Variants in LRBA observed in about 807,000 individuals in gnomAD.
LRBA encodes LPS responsive beige-like anchor protein, also known as lipopolysaccharide-responsive and beige-like anchor protein.
A neutral mutation model predicts 330.0 loss-of-function variants in LRBA; 176 were observed. The observed-to-expected ratio is 0.53, with a 90% CI of 0.47 to 0.60. The LOEUF (loss-of-function observed/expected upper bound fraction) is 0.60. Among genes scored for constraint, LRBA ranks in the 20% least tolerant of loss-of-function variants. LRBA has a pLI of 0.00. For synonymous variants in LRBA, 1,230 were observed against 1,193.0 expected (o/e 1.03, Z -0.64); for missense variants, 3,259 against 3,444.8 (o/e 0.95, Z 1.35).
chr4:150,521,889 T>A (rs1324947057), intron 40 of LRBA, among the ~76,000 whole-genome samples: 1 of 152,220 alleles, frequency 6.6e-6, no homozygotes, highest in Non-Finnish European at 1.5e-5. Flanking sequence ...ACATAATTAC[T>A]GACAATACCT....
At chr4:150,921,849 C>A (rs1051837936) in intron 4 of LRBA, among the ~76,000 whole-genome samples, 1 of 152,196 alleles carries the variant, frequency 6.6e-6, no homozygotes, top group Non-Finnish European at 1.5e-5. Flanking sequence ...CCTCACCCTC[C>A]CAAGTAGCTG....
chr4:150,429,180 TG>T (rs1464815387), intron 46 of LRBA, among the ~76,000 whole-genome samples: 2 of 151,856 alleles, frequency 1.3e-5, no homozygotes, highest in Admixed American at 1.3e-4. Flanking sequence ...CATGAGGTGA[TG>T]GGGGCAATTT....
chr4:150,337,301 A>G (rs1423662925), intron 48 of LRBA, among the ~76,000 whole-genome samples: 1 of 152,164 alleles, frequency 6.6e-6, no homozygotes, highest in Non-Finnish European at 1.5e-5. Context: ...AGAATTCTGT[A>G]GGTAGTTAAT....
At chr4:150,313,814 T>C (rs1489878775) in intron 51 of LRBA, among the ~76,000 whole-genome samples, 1 of 146,478 alleles carries the variant, frequency 6.8e-6, no homozygotes, top group Non-Finnish European at 1.5e-5. Flanking sequence ...ACAAAATTAA[T>C]TTGTTTCATA....
intron 28 of LRBA, among the ~76,000 whole-genome samples, chr4:150,834,522 T>C (rs1322678930): frequency 6.6e-6 from 1 of 152,202 alleles, no homozygotes; most frequent in Non-Finnish European, 1.5e-5. Flanking sequence ...AAAGACTCTT[T>C]TCTTCTGAAC....
At chr4:150,656,241 A>G (rs1468509619) in intron 37 of LRBA, among the ~76,000 whole-genome samples, 1 of 152,206 alleles carries the variant, frequency 6.6e-6, no homozygotes, top group African/African-American at 2.4e-5. Flanking sequence ...CCCAAGTGAA[A>G]GGTCTAATTT....
chr4:150,945,373 G>C (rs930874498), intron 2 of LRBA, among the ~76,000 whole-genome samples: 2 of 152,166 alleles, frequency 1.3e-5, no homozygotes, highest in African/African-American at 4.8e-5. Context: ...ATATTGTACA[G>C]CCTTTAAAAA....
At chr4:150,419,633 C>CTTTTT (rs780382905) in intron 46 of LRBA, among the ~76,000 whole-genome samples, 5 of 96,986 alleles carry the variant, frequency 5.2e-5, no homozygotes, top group Non-Finnish European at 7.9e-5. Flanking sequence ...CTGATAATAT[C>CTTTTT]TTTTTTTTTT....
rs202120857 is a variant in LRBA at position 150,916,626 on chromosome 4, T to C, written c.758A>G (p.Tyr253Cys). Residue 253 changes from tyrosine (Y) to cysteine (C), a missense_variant, in exon 6 of 57, where the codon TAT (tyrosine) becomes TGT (cysteine). Coordinates refer to ENST00000651943, the MANE Select transcript of LRBA (RefSeq NM_001364905.1). ...NNINVDKDKP[Y>C]LYCFRTSKGL... ...TTACAGAAATACATACCAATACAAA[T>C]ATGGTTTATCCTTATCTACATTGAT... is the stretch of plus-strand genomic sequence containing the variant. The C allele has an allele frequency of 6.9e-6, 11 of 1,596,206 alleles. No homozygotes were observed. The South Asian group carries it at 9.1e-5, about 13-fold the overall frequency.
chr4:150,583,224 G>A lies in LRBA; in HGVS notation c.6330+4824C>T. 6.2e-7 allele frequency: 1 copy of A among 1,614,198 alleles called. No individual in the cohort carries two copies. Among genetic ancestry groups the A allele is most frequent in the Non-Finnish European group, 8.5e-7 (1 of 1,180,042 alleles). ...GCGAGATCGATGCCCGCTACGAGGG[G>A]CTCGAGGTCATTTCGCCCACCGAAT... On this transcript the variant is annotated intron_variant, in intron 40 of 56. Transcript: ENST00000651943. The surrounding 1 kb of genome is among the most constrained non-coding windows in gnomAD (Gnocchi z 9.8).
intron 5 of LRBA, among the ~76,000 whole-genome samples, chr4:150,917,043 C>G (rs1732694393): frequency 6.6e-6 from 1 of 151,896 alleles, no homozygotes; most frequent in African/African-American, 2.4e-5. Flanking sequence ...GTCCCAGCTA[C>G]TCGGGAGGCT....
intron 34 of LRBA, among the ~76,000 whole-genome samples, chr4:150,776,204 C>A (rs992752859): frequency 6.6e-6 from 1 of 152,124 alleles, no homozygotes. Flanking sequence ...ATAATCCTAG[C>A]CACTAGGGAG....
intron 47 of LRBA, among the ~76,000 whole-genome samples, chr4:150,399,122 T>C (rs894463244): frequency 6.6e-6 from 1 of 152,240 alleles, no homozygotes; most frequent in Non-Finnish European, 1.5e-5. Flanking sequence ...GTCTCAGTTA[T>C]GTACTCAACT....
At chr4:150,993,958 A>G (rs1224390166) in intron 2 of LRBA, among the ~76,000 whole-genome samples, 2 of 151,760 alleles carry the variant, frequency 1.3e-5, no homozygotes, top group Middle Eastern at 6.3e-3. Flanking sequence ...CCAGATACTC[A>G]GTAGGCTAAG....
intron 42 of LRBA, 146 bp from the exon 43 acceptor site, chr4:150,471,885 T>A (rs868532983): frequency 5.2e-6 from 3 of 582,302 alleles, no homozygotes; most frequent in South Asian, 2.1e-5. Context: ...GGTTTCAATC[T>A]ACAATTCATG....
At chr4:150,607,007 G>A (rs1774710639) in intron 37 of LRBA, among the ~76,000 whole-genome samples, 1 of 152,132 alleles carries the variant, frequency 6.6e-6, no homozygotes, top group Non-Finnish European at 1.5e-5. Context: ...GAACAAAATG[G>A]AAAAGGCACT....
intron 35 of LRBA, among the ~76,000 whole-genome samples, chr4:150,738,319 A>G (rs563634787): frequency 2.0e-5 from 3 of 152,146 alleles, no homozygotes; most frequent in African/African-American, 7.2e-5. Flanking sequence ...GACTAAAAAT[A>G]GGTCTTTTTT....
intron 36 of LRBA, among the ~76,000 whole-genome samples, chr4:150,718,457 C>A (rs1032133196): frequency 9.4e-5 from 14 of 149,472 alleles, no homozygotes; most frequent in Non-Finnish European, 1.9e-4. Flanking sequence ...AAGATATAAG[C>A]TGTCTCAAAA....
chr4:150,487,640 C>A (rs1758037679), intron 42 of LRBA, 92 bp downstream of exon 42: 3 of 594,418 alleles, frequency 5.0e-6, no homozygotes, highest in Non-Finnish European at 2.9e-6. Context: ...AACATTAATA[C>A]AGATTAATGT....
Sources: gnomAD v4.1 joint callset for allele counts (sites outside exome capture counted in the v4.1 genomes callset) on GRCh38, gnomAD v4.1.1 for gene constraint, Gnocchi (gnomAD v3.1) non-coding constraint, MANE v1.5 for transcripts, NCBI Gene and HGNC (gene_info 2026-07-23, HGNC 2026-07-21) for gene names.